The following LCMT1 variants were observed in gnomAD, a reference collection of about 807,000 sequenced individuals.
The protein encoded by LCMT1 is [Phosphatase 2A protein]-leucine-carboxy methyltransferase 1.
LCMT1 carries 32 observed loss-of-function variants against 47.7 expected under a neutral mutation model. That is an observed-to-expected ratio of 0.67 (90% CI 0.51 to 0.90). The LOEUF is 0.90. Ranked by LOEUF, LCMT1 falls within the 40% of genes least tolerant of loss-of-function variation. The pLI is 0.00. For missense variants in LCMT1, 375 were observed against 415.2 expected (o/e 0.90, Z 0.84); for synonymous variants, 152 against 149.7 (o/e 1.02, Z -0.11).
At chr16:25,150,624 G>A (rs563561551) in intron 4 of LCMT1, among the ~76,000 whole-genome samples, 5 of 152,034 alleles carry the variant, frequency 3.3e-5, no homozygotes, top group South Asian at 2.1e-4. Flanking sequence ...GATTACAGGC[G>A]TGAGCCACTG....
intron 1 of LCMT1, among the ~76,000 whole-genome samples, chr16:25,113,935 C>G (rs1280470973): frequency 6.6e-6 from 1 of 152,200 alleles, no homozygotes; most frequent in African/African-American, 2.4e-5. Flanking sequence ...CCCACCCAGC[C>G]TAGTCTTTTC....
chr16:25,120,837 T>G (rs1959961492), intron 1 of LCMT1, among the ~76,000 whole-genome samples: 1 of 146,088 alleles, frequency 6.8e-6, no homozygotes, highest in Non-Finnish European at 1.5e-5. Flanking sequence ...AGCGTTTACC[T>G]CCCCGGGCTC....
intron 10 of LCMT1, among the ~76,000 whole-genome samples, chr16:25,175,584 A>T (rs1162789136): frequency 1.3e-5 from 2 of 152,092 alleles, no homozygotes; most frequent in African/African-American, 4.8e-5. Flanking sequence ...GTGAGCCGAG[A>T]CTGCACCATT....
chr16:25,128,146 G>C (rs1261152357), intron 1 of LCMT1, among the ~76,000 whole-genome samples: 1 of 152,198 alleles, frequency 6.6e-6, no homozygotes, highest in Non-Finnish European at 1.5e-5. Flanking sequence ...AGTTTGCAGA[G>C]TGAATAAATG....
rs748322883 is a variant in LCMT1 at position 25,178,179 on chromosome 16, T to C, written c.*156T>C. On this transcript the variant is annotated 3_prime_UTR_variant, in exon 11 of 11. Transcript: ENST00000399069. ...CTACAGTGGTCGCACATGTTCCTCT[T>C]CCTGTTCCTGTTGACATGTCGTTGT... 3 of 636,536 alleles carry C rather than the reference T, an allele frequency of 4.7e-6. No individual in the cohort carries two copies. The Admixed American group carries it at 8.9e-5, about 19-fold the overall frequency. 39.4% of individuals were successfully genotyped at this position (636,536 alleles called of 1,614,324 possible).
chr16:25,152,404 T>C (rs1961111244), intron 5 of LCMT1, among the ~76,000 whole-genome samples: 1 of 152,158 alleles, frequency 6.6e-6, no homozygotes, highest in Non-Finnish European at 1.5e-5. Context: ...TTCAGGTGGC[T>C]GGGGAGCTTA....
intron 3 of LCMT1, among the ~76,000 whole-genome samples, chr16:25,134,358 C>T (rs2141654470): frequency 6.6e-6 from 1 of 152,296 alleles, no homozygotes; most frequent in East Asian, 1.9e-4. Flanking sequence ...AGTGTTTTTA[C>T]ATATATGACC....
chr16:25,139,025 C>T (rs984369386), intron 3 of LCMT1, among the ~76,000 whole-genome samples: 2 of 152,052 alleles, frequency 1.3e-5, no homozygotes, highest in Admixed American at 6.6e-5. Context: ...CTGCAACCTC[C>T]GTTTCCCGGG....
intron 9 of LCMT1, among the ~76,000 whole-genome samples, chr16:25,172,557 A>G (rs1396757331): frequency 6.6e-6 from 1 of 152,172 alleles, no homozygotes; most frequent in African/African-American, 2.4e-5. Context: ...TTCCTGATTC[A>G]TGCTTCCTTC....
intron 2 of LCMT1, 164 bp from the exon 3 acceptor site, chr16:25,132,238 A>C: frequency 1.2e-6 from 1 of 808,218 alleles, no homozygotes; most frequent in Non-Finnish European, 1.9e-6. Flanking sequence ...AAAAAAAAAA[A>C]ATTTGAAAGT....
rs1024190789 is a variant in LCMT1, at chr16:25,164,837, A to C, written c.690+119A>C. On this transcript the variant is annotated intron_variant, in intron 7 of 10. Transcript: ENST00000399069. ...TCCTTCTGCCTCCAGCCTCTCACAT[A>C]TCTCCTTTATTCACCAACCAGCAAT... 9 of 1,332,420 alleles carry C rather than the reference A, an allele frequency of 6.8e-6. No individual in the cohort carries two copies. The African/African-American group carries it at 1.3e-4, about 19-fold the overall frequency. The allele number at this position is 1,332,420 out of a possible 1,614,324, so 82.5% of individuals were successfully genotyped here. A position where few individuals can be genotyped will look rare whatever the true frequency, so the allele number is the denominator to read the frequency against.
chr16:25,133,672 C>T (rs1031407520), intron 3 of LCMT1, among the ~76,000 whole-genome samples: 2 of 147,292 alleles, frequency 1.4e-5, no homozygotes, highest in East Asian at 2.2e-4. Context: ...GCTGGGATTA[C>T]AGGCGTGAGC....
chr16:25,172,256 G>A lies in LCMT1; in HGVS notation c.884+1451G>A, dbSNP rs886825151. Among the ~76,000 whole-genome samples the A allele has an allele frequency of 4.0e-5, 6 of 151,448 alleles. No homozygotes were observed. In the East Asian group the frequency reaches 7.8e-4, roughly 20 times the overall value. On this transcript the variant is annotated intron_variant, in intron 9 of 10. Transcript: ENST00000399069. Reference sequence around the variant, plus strand: ...TGGGAGGCGGAGGTTGCAGTGAGCCGAGGTAGCACCATTTGTACTCTGGCC... The same window carrying A: ...TGGGAGGCGGAGGTTGCAGTGAGCCAAGGTAGCACCATTTGTACTCTGGCC...
chr16:25,160,668 A>G (rs983788968), intron 5 of LCMT1: 2 of 469,404 alleles, frequency 4.3e-6, no homozygotes, highest in African/African-American at 3.9e-5. Flanking sequence ...CATGTCTCAT[A>G]GTGAGGGATT....
chr16:25,134,077 T>G (rs2141654049), intron 3 of LCMT1, among the ~76,000 whole-genome samples: 2 of 152,016 alleles, frequency 1.3e-5, no homozygotes, highest in South Asian at 4.2e-4. Flanking sequence ...ATTTTTTTTT[T>G]GTAGGTTTGT....
intron 1 of LCMT1, among the ~76,000 whole-genome samples, chr16:25,112,309 A>C (rs748768520): frequency 6.6e-6 from 1 of 152,208 alleles, no homozygotes; most frequent in Non-Finnish European, 1.5e-5. Context: ...TGAAGCAAAT[A>C]GTAGCTCCAG....
chr16:25,156,043 C>T (rs1961247897), intron 5 of LCMT1, among the ~76,000 whole-genome samples: 1 of 152,202 alleles, frequency 6.6e-6, no homozygotes, highest in Non-Finnish European at 1.5e-5. Context: ...TGTTCTCTGA[C>T]TGTGCCAAGA....
intron 5 of LCMT1, among the ~76,000 whole-genome samples, chr16:25,157,371 C>T (rs1020986290): frequency 1.3e-5 from 2 of 151,758 alleles, no homozygotes; most frequent in Admixed American, 6.6e-5. Context: ...TAAGGAGACC[C>T]GCCCACCCCC....
intron 2 of LCMT1, among the ~76,000 whole-genome samples, chr16:25,129,956 A>G (rs1960300757): frequency 6.6e-6 from 1 of 152,050 alleles, no homozygotes; most frequent in Non-Finnish European, 1.5e-5. Flanking sequence ...GTGGGAGGGA[A>G]AGTGTTGTGA....
Sources: allele counts gnomAD v4.1 joint callset (sites outside exome capture counted in the v4.1 genomes callset), GRCh38; gene constraint gnomAD v4.1.1; transcripts MANE v1.5; gene names NCBI Gene and HGNC (gene_info 2026-07-23, HGNC 2026-07-21).